ZNF385B: variants seen among roughly 807,000 people sequenced by gnomAD.
ZNF385B encodes zinc finger protein 533.
ZNF385B carries 23 observed loss-of-function variants against 39.2 expected under a neutral mutation model. The ratio of observed to expected loss-of-function variants is 0.59; its 90% CI spans 0.42 to 0.83. ZNF385B has a LOEUF of 0.83. ZNF385B is among the 40% of genes least tolerant of loss of function. ZNF385B has a pLI of 0.00. For synonymous variants in ZNF385B, 205 were observed against 222.6 expected (o/e 0.92, Z 0.70); for missense variants, 552 against 598.9 (o/e 0.92, Z 0.82).
At chr2:179,669,193 G>C (rs937640975) in intron 3 of ZNF385B, among the ~76,000 whole-genome samples, 1 of 152,122 alleles carries the variant, frequency 6.6e-6, no homozygotes, top group African/African-American at 2.4e-5. Flanking sequence ...AGAGACTCTA[G>C]GTAACTTACC....
At position 179,554,473 on chromosome 2, in the gene ZNF385B, G is replaced by C. The variant is rs190786526; in HGVS notation, c.299-9504C>G. 1.8e-3 allele frequency among the ~76,000 whole-genome samples: 275 copies of C among 149,102 alleles called. 9 individuals carry two copies. The highest frequency in any genetic ancestry group is 0.014 in the Middle Eastern group (4 of 286). ...AACATGTTGAGGTTAACTTTTTTTAGGCTTTCAAGGTATTCTTAGGGTTTC... is the reference window on the plus strand; with the variant it reads ...AACATGTTGAGGTTAACTTTTTTTACGCTTTCAAGGTATTCTTAGGGTTTC... On this transcript the variant is annotated intron_variant, in intron 3 of 9. Coordinates refer to ENST00000410066, the MANE Select transcript of ZNF385B (RefSeq NM_152520.6).
chr2:179,810,943 A>G (rs1706696052), intron 1 of ZNF385B, among the ~76,000 whole-genome samples: 1 of 152,158 alleles, frequency 6.6e-6, no homozygotes, highest in Non-Finnish European at 1.5e-5. Context: ...CAGAACTGAT[A>G]GATGACTTCA....
At chr2:179,647,780 G>A in intron 3 of ZNF385B, among the ~76,000 whole-genome samples, 1 of 152,218 alleles carries the variant, frequency 6.6e-6, no homozygotes, top group Non-Finnish European at 1.5e-5. Flanking sequence ...ACTCAGAAAA[G>A]AGAGATGAGG....
intron 3 of ZNF385B, among the ~76,000 whole-genome samples, chr2:179,704,638 C>A (rs1042635646): frequency 1.3e-5 from 2 of 152,164 alleles, no homozygotes; most frequent in African/African-American, 4.8e-5. Context: ...AGATTTCCAG[C>A]TTGAGCAGCT....
chr2:179,600,959 C>T (rs545163210), intron 3 of ZNF385B, among the ~76,000 whole-genome samples: 2 of 152,240 alleles, frequency 1.3e-5, no homozygotes, highest in South Asian at 4.1e-4. Context: ...TGGTGTAGTA[C>T]AGATGAGTTT....
At chr2:179,616,694 GTA>G (rs1227249550) in intron 3 of ZNF385B, among the ~76,000 whole-genome samples, 1 of 152,032 alleles carries the variant, frequency 6.6e-6, no homozygotes, top group Non-Finnish European at 1.5e-5. Flanking sequence ...TGAGTAGCTG[GTA>G]CCACAGTTGC....
At chr2:179,789,384 A>G (rs1347199854) in intron 1 of ZNF385B, among the ~76,000 whole-genome samples, 1 of 152,200 alleles carries the variant, frequency 6.6e-6, no homozygotes, top group Non-Finnish European at 1.5e-5. Flanking sequence ...AAATCTTAAT[A>G]TCCTCGGGTG....
In ZNF385B at chr2:179,739,895, A is replaced by C. The variant is rs915636345; in HGVS notation, c.298+29608T>G. ...TGGTATTCATTGCTTACCTTACTAA[A>C]TCACACAAAAGTAGCTACGTACTTA... On this transcript the variant is annotated intron_variant, in intron 3 of 9. Coordinates refer to ENST00000410066, the MANE Select transcript of ZNF385B (RefSeq NM_152520.6). Among the ~76,000 whole-genome samples the C allele has an allele frequency of 1.1e-4, 16 of 152,128 alleles. 1 individual carries two copies.
chr2:179,630,128 A>T (rs1014070958), intron 3 of ZNF385B, among the ~76,000 whole-genome samples: 3 of 152,256 alleles, frequency 2.0e-5, no homozygotes, highest in Admixed American at 2.0e-4. Flanking sequence ...TGCAGACTTA[A>T]ATGTCCCTGT....
chr2:179,514,140 A>C (rs1445654738), intron 5 of ZNF385B: 1 of 152,260 alleles, frequency 6.6e-6, no homozygotes, highest in East Asian at 1.9e-4. Context: ...TCGAGGTGTC[A>C]GCAGGGCTGC....
rs1020462856 is a variant in ZNF385B, at chr2:179,587,439, C to T, written c.299-42470G>A. ...ATTACAATTTTTTAAGTGACCATGA[C>T]GATAACTAGTTTGTCCTTTTCGTTC... On this transcript the variant is annotated intron_variant, in intron 3 of 9. Coordinates refer to ENST00000410066, the MANE Select transcript of ZNF385B (RefSeq NM_152520.6). Among the ~76,000 whole-genome samples the T allele has an allele frequency of 9.2e-5, 14 of 152,180 alleles. No individual in the cohort carries two copies. The Middle Eastern group carries it at 0.017, about 185-fold the overall frequency.
At chr2:179,649,619 A>G (rs992968799) in intron 3 of ZNF385B, among the ~76,000 whole-genome samples, 1 of 152,234 alleles carries the variant, frequency 6.6e-6, no homozygotes, top group East Asian at 1.9e-4. Context: ...AAGTAAAAAT[A>G]TAAAGGTGCA....
intron 3 of ZNF385B, among the ~76,000 whole-genome samples, chr2:179,551,778 T>C (rs1291156988): frequency 1.3e-5 from 2 of 152,096 alleles, no homozygotes. Context: ...ATCTGTACTT[T>C]CACTCTATCC....
chr2:179,753,168 C>T (rs1702786908), intron 3 of ZNF385B, among the ~76,000 whole-genome samples: 1 of 152,114 alleles, frequency 6.6e-6, no homozygotes, highest in Non-Finnish European at 1.5e-5. Flanking sequence ...CCAATTTGCC[C>T]AGCACCATTT....
intron 6 of ZNF385B, among the ~76,000 whole-genome samples, chr2:179,447,268 A>C (rs1373420295): frequency 1.3e-5 from 2 of 152,212 alleles, no homozygotes; most frequent in East Asian, 1.9e-4. Context: ...AACATGGTTA[A>C]TTTTGATTAT....
chr2:179,466,462 A>G (rs1053346221), intron 6 of ZNF385B, among the ~76,000 whole-genome samples: 1 of 152,104 alleles, frequency 6.6e-6, no homozygotes, highest in Non-Finnish European at 1.5e-5. Context: ...CTTTGGCAAG[A>G]TTTCTCTTGA....
chr2:179,812,053 AATC>A (rs1246323399), intron 1 of ZNF385B, among the ~76,000 whole-genome samples: 1 of 152,122 alleles, frequency 6.6e-6, no homozygotes. Flanking sequence ...CAATATCACT[AATC>A]ATCAGAGAAA....
rs149389218 is a variant in ZNF385B, at chr2:179,643,364, T to C, written c.299-98395A>G. ...ATGCAAGAAATTACAGTATCAAACATAGTTAAAAGATCCATTCAAAATGCA... is the reference window on the plus strand; with the variant it reads ...ATGCAAGAAATTACAGTATCAAACACAGTTAAAAGATCCATTCAAAATGCA... On this transcript the variant is annotated intron_variant, in intron 3 of 9. Transcript: ENST00000410066. Among the ~76,000 whole-genome samples, 292 of 152,258 alleles carry C rather than the reference T, an allele frequency of 1.9e-3. 4 individuals are homozygous for C. In the South Asian group the frequency reaches 0.021, roughly 11 times the overall value.
intron 3 of ZNF385B, among the ~76,000 whole-genome samples, chr2:179,685,069 G>C (rs557671308): frequency 6.6e-6 from 1 of 152,280 alleles, no homozygotes; most frequent in South Asian, 2.1e-4. Context: ...TAATTGAAGA[G>C]TTTTCTATCA....
Sources: allele counts gnomAD v4.1 joint callset (sites outside exome capture counted in the v4.1 genomes callset), GRCh38; gene constraint gnomAD v4.1.1; transcripts MANE v1.5; gene names NCBI Gene and HGNC (gene_info 2026-07-23, HGNC 2026-07-21).